The following ASCL5 variants were observed in gnomAD, a reference collection of about 807,000 sequenced individuals.
ASCL5 encodes the protein achaete-scute homolog 5.
For synonymous variants in ASCL5, 124 were observed against 131.5 expected (o/e 0.94, Z 0.39); for missense variants, 262 against 268.9 (o/e 0.97, Z 0.18).
At chr1:201,123,560 C>T (rs958729440) in intron 1 of ASCL5, among the ~76,000 whole-genome samples, 1 of 152,270 alleles carries the variant, frequency 6.6e-6, no homozygotes, top group East Asian at 1.9e-4. Flanking sequence ...AGCAAATTGC[C>T]GCAGGTCACA....
chr1:201,114,753 C>G lies in ASCL5; in HGVS notation c.620G>C (p.Ter207SerextTer36). The G allele has an allele frequency of 8.1e-7, 1 of 1,230,636 alleles. No individual in the cohort carries two copies. The highest frequency in any genetic ancestry group is 1.0e-6 in the Non-Finnish European group (1 of 987,248). 76.2% of individuals were successfully genotyped at this position (1,230,636 alleles called of 1,614,324 possible). A position where few individuals can be genotyped will look rare whatever the true frequency, so the allele number is the denominator to read the frequency against. Residue 207 changes from the stop codon to serine (S), a stop_lost, in exon 2 of 2, where the codon TGA (stop) becomes TCA (serine). Transcript: ENST00000449188. ...PFLESEESWH[*>S] ...AGCCGGGGGCGGCCACAGGCCCGATCAATGCCAGGATTCCTCCGACTCCAA... is the reference window on the plus strand; with the variant it reads ...AGCCGGGGGCGGCCACAGGCCCGATGAATGCCAGGATTCCTCCGACTCCAA...
At position 201,114,763 on chromosome 1, in the gene ASCL5, A is replaced by G; in HGVS notation, c.610T>C (p.Ser204Pro). Reference protein sequence around the residue: ...SPSPFLESEESWH With the variant: ...SPSPFLESEEPWH ...GGCCACAGGCCCGATCAATGCCAGG[A>G]TTCCTCCGACTCCAAGAAAGGCGAC... The change falls in exon 2 of 2, where the codon TCC becomes CCC. Residue 204 changes from serine to proline, a missense_variant. Ser to Pro is a moderately conservative substitution (Grantham distance 74, BLOSUM62 -1). Coordinates refer to ENST00000449188, the MANE Select transcript of ASCL5 (RefSeq NM_001270601.2). 8.1e-7 allele frequency: 1 copy of G among 1,228,708 alleles called. No individual in the cohort carries two copies. The highest frequency in any genetic ancestry group is 1.0e-6 in the Non-Finnish European group (1 of 985,888). 76.1% of individuals were successfully genotyped at this position (1,228,708 alleles called of 1,614,324 possible).
chr1:201,120,377 C>T (rs1379878683), intron 1 of ASCL5, among the ~76,000 whole-genome samples: 1 of 152,110 alleles, frequency 6.6e-6, no homozygotes. Flanking sequence ...TCATACTCAT[C>T]CCCTGCCCAT....
chr1:201,118,338 G>A (rs1663388112), intron 1 of ASCL5, among the ~76,000 whole-genome samples: 1 of 152,090 alleles, frequency 6.6e-6, no homozygotes. Flanking sequence ...AAAATTAGCA[G>A]GGTTTGGTGG....
At chr1:201,118,957 G>T (rs1313218300) in intron 1 of ASCL5, among the ~76,000 whole-genome samples, 1 of 152,166 alleles carries the variant, frequency 6.6e-6, no homozygotes, top group Non-Finnish European at 1.5e-5. Context: ...CACCACCTCA[G>T]TTTCCCACCT....
chr1:201,115,324 G>T lies in ASCL5; in HGVS notation c.49C>A (p.Pro17Thr). The change falls in exon 2 of 2, where the codon CCC (proline) becomes ACC (threonine). Residue 17 changes from proline to threonine, a missense_variant. Transcript: ENST00000449188. The stretch of plus-strand genomic sequence containing the variant: ...ACGCCCAGCTGCATGCAGCTGGGGG[G>T]CCCCAGAGGCCTCCGGTCCACCAGA... Reference protein sequence around the residue: ...RALVDRRPLGPPSCMQLGVMP... With the variant: ...RALVDRRPLGTPSCMQLGVMP... The T allele has an allele frequency of 8.1e-7, 1 of 1,231,196 alleles. No homozygotes were observed. Among genetic ancestry groups the T allele is most frequent in the Non-Finnish European group, 1.0e-6 (1 of 987,566 alleles). The allele number at this position is 1,231,196 out of a possible 1,614,324, so 76.3% of individuals were successfully genotyped here. A position where few individuals can be genotyped will look rare whatever the true frequency, so the allele number is the denominator to read the frequency against.
rs1415120368 is a variant in ASCL5 at position 201,114,588 on chromosome 1, A to C, written c.*164T>G. 3.6e-6 allele frequency: 2 copies of C among 561,788 alleles called. No individual in the cohort carries two copies. The highest frequency in any genetic ancestry group is 3.9e-5 in the African/African-American group (2 of 51,216). 34.8% of individuals were successfully genotyped at this position (561,788 alleles called of 1,614,324 possible). ...CCCGCTGCCCTGCACTTCCGCCCCA[A>C]GCTGGTGGAGGAGGGAGGGTGTCGC... is the stretch of plus-strand genomic sequence containing the variant. On this transcript the variant is annotated 3_prime_UTR_variant, in exon 2 of 2. Coordinates refer to ENST00000449188, the MANE Select transcript of ASCL5 (RefSeq NM_001270601.2).
intron 1 of ASCL5, among the ~76,000 whole-genome samples, chr1:201,125,607 A>C (rs1663565177): frequency 6.6e-6 from 1 of 151,992 alleles, no homozygotes; most frequent in South Asian, 2.1e-4. Flanking sequence ...GTCATAGTTC[A>C]TTGGCGTGCC....
At position 201,115,275 on chromosome 1, in the gene ASCL5, G is replaced by A. The variant is rs576282869; in HGVS notation, c.98C>T (p.Pro33Leu). 5 of 1,231,218 alleles carry A rather than the reference G, an allele frequency of 4.1e-6. No individual in the cohort carries two copies. In the East Asian group the frequency reaches 9.5e-5, roughly 23 times the overall value. 76.3% of individuals were successfully genotyped at this position (1,231,218 alleles called of 1,614,324 possible). A position where few individuals can be genotyped will look rare whatever the true frequency, so the allele number is the denominator to read the frequency against. The change falls in exon 2 of 2, where the codon CCC becomes CTC. Residue 33 changes from proline to leucine, a missense_variant. Physicochemically the swap from Pro to Leu is moderately conservative, Grantham distance 98. Transcript: ENST00000449188. The part of the protein sequence containing the change: ...LGVMPPPRQA[P>L]LPPAEPLGNV... Reference sequence around the variant, plus strand: ...GCCCAGGGGCTCGGCGGGGGGCAGGGGCGCCTGCCGGGGAGGGGGCATGAC... The same window carrying A: ...GCCCAGGGGCTCGGCGGGGGGCAGGAGCGCCTGCCGGGGAGGGGGCATGAC...
chr1:201,126,813 C>T lies in ASCL5; in HGVS notation c.-506+271G>A, dbSNP rs375637287. On this transcript the variant is annotated intron_variant, in intron 1 of 1. Coordinates refer to ENST00000449188, the MANE Select transcript of ASCL5 (RefSeq NM_001270601.2). ...CTCCTCCTGCCTAGACCCTTCACGACGAGCAAGTCCATGGGAAAATGCCCG... is the reference window on the plus strand; with the variant it reads ...CTCCTCCTGCCTAGACCCTTCACGATGAGCAAGTCCATGGGAAAATGCCCG... Among the ~76,000 whole-genome samples the T allele has an allele frequency of 2.2e-4, 34 of 152,340 alleles. No homozygotes were observed. In the South Asian group the frequency reaches 5.8e-3, roughly 26 times the overall value.
At position 201,115,037 on chromosome 1, in the gene ASCL5, G is replaced by C; in HGVS notation, c.336C>G (p.Gly112=). 1.5e-5 allele frequency: 19 copies of C among 1,232,066 alleles called. No homozygotes were observed. Among genetic ancestry groups the C allele is most frequent in the Non-Finnish European group, 1.8e-5 (18 of 988,272 alleles). The allele number at this position is 1,232,066 out of a possible 1,614,324, so 76.3% of individuals were successfully genotyped here. A position where few individuals can be genotyped will look rare whatever the true frequency, so the allele number is the denominator to read the frequency against. ...GYARLRGHLP[G]ALAEKRLSKV... ...TGCTGAGTCGCTTCTCAGCCAGGGC[G>C]CCGGGGAGGTGGCCGCGGAGGCGAG... The change falls in exon 2 of 2, where the codon GGC becomes GGG. Residue 112 remains glycine (G), a synonymous_variant. Coordinates refer to ENST00000449188, the MANE Select transcript of ASCL5 (RefSeq NM_001270601.2).
chr1:201,117,190 C>G (rs1663367053), intron 1 of ASCL5, among the ~76,000 whole-genome samples: 1 of 152,162 alleles, frequency 6.6e-6, no homozygotes, highest in Admixed American at 6.5e-5. Flanking sequence ...AGTCCCAGCA[C>G]TTTGGGAGGC....
intron 1 of ASCL5, among the ~76,000 whole-genome samples, chr1:201,125,521 G>A (rs1224773486): frequency 6.6e-6 from 1 of 152,016 alleles, no homozygotes; most frequent in Non-Finnish European, 1.5e-5. Context: ...TGTCCACAGA[G>A]CTTTACTACC....
Position 201,115,064 on chromosome 1 carries a change from G to A in ASCL5, c.309C>T (p.Tyr103=), listed in dbSNP as rs1293753094. 4 of 1,231,962 alleles carry A rather than the reference G, an allele frequency of 3.2e-6. No homozygotes were observed. The African/African-American group carries it at 6.2e-5, about 19-fold the overall frequency. The allele number at this position is 1,231,962 out of a possible 1,614,324, so 76.3% of individuals were successfully genotyped here. A position where few individuals can be genotyped will look rare whatever the true frequency, so the allele number is the denominator to read the frequency against. The change falls in exon 2 of 2, where the codon TAC becomes TAT. Residue 103 remains tyrosine, a synonymous_variant. Transcript: ENST00000449188. ...CGGGGAGGTGGCCGCGGAGGCGAGC[G>A]TAGCCCTCGTTGACGCACTTGACTC... ...RQRVKCVNEG[Y]ARLRGHLPGA... is the part of the protein sequence containing the mutation.
At chr1:201,120,002 C>T (rs951104896) in intron 1 of ASCL5, among the ~76,000 whole-genome samples, 37 of 152,178 alleles carry the variant, frequency 2.4e-4, no homozygotes, top group Admixed American at 5.9e-4. Context: ...AGCAGCCGAG[C>T]AGATGTGCTT....
chr1:201,123,190 G>A (rs566346559), intron 1 of ASCL5, among the ~76,000 whole-genome samples: 6 of 152,214 alleles, frequency 3.9e-5, no homozygotes, highest in East Asian at 3.9e-4. Context: ...TTAAATGTCC[G>A]ATTTTTCCCC....
chr1:201,123,874 GA>G (rs1663529880), intron 1 of ASCL5, among the ~76,000 whole-genome samples: 1 of 152,202 alleles, frequency 6.6e-6, no homozygotes, highest in Non-Finnish European at 1.5e-5. Flanking sequence ...TCGGGGAGTA[GA>G]AATACCTTCT....
In ASCL5 at chr1:201,114,480, G is replaced by T. The variant is rs1472531991; in HGVS notation, c.*272C>A. On this transcript the variant is annotated 3_prime_UTR_variant, in exon 2 of 2. Coordinates refer to ENST00000449188, the MANE Select transcript of ASCL5 (RefSeq NM_001270601.2). ...GGGGAGCCCCTCTGCACCCCGGAGG[G>T]GACGCAGGACGCCCGGAGCAGTCCC... 2 of 306,116 alleles carry T rather than the reference G, an allele frequency of 6.5e-6. No individual in the cohort carries two copies. Among genetic ancestry groups the T allele is most frequent in the African/African-American group, 4.3e-5 (2 of 46,050 alleles). 19.0% of individuals were successfully genotyped at this position (306,116 alleles called of 1,614,324 possible).
At position 201,115,327 on chromosome 1, in the gene ASCL5, C is replaced by A; in HGVS notation, c.46G>T (p.Gly16Trp). The change falls in exon 2 of 2, where the codon GGG (glycine) becomes TGG (tryptophan). Residue 16 changes from glycine to tryptophan, a missense_variant. Physicochemically the swap from Gly to Trp is radical, Grantham distance 184 (BLOSUM62 -2). Transcript: ENST00000449188. ...CCCAGCTGCATGCAGCTGGGGGGCC[C>A]CAGAGGCCTCCGGTCCACCAGAGCC... is the stretch of plus-strand genomic sequence containing the variant. ...CRALVDRRPL[G>W]PPSCMQLGVM... The A allele has an allele frequency of 8.1e-7, 1 of 1,231,344 alleles. No homozygotes were observed. The highest frequency in any genetic ancestry group is 1.0e-6 in the Non-Finnish European group (1 of 987,716). The allele number at this position is 1,231,344 out of a possible 1,614,324, so 76.3% of individuals were successfully genotyped here. A position where few individuals can be genotyped will look rare whatever the true frequency, so the allele number is the denominator to read the frequency against.
Sources: gnomAD v4.1 joint callset for allele counts (sites outside exome capture counted in the v4.1 genomes callset) on GRCh38, gnomAD v4.1.1 for gene constraint, MANE v1.5 for transcripts, NCBI Gene and HGNC (gene_info 2026-07-23, HGNC 2026-07-21) for gene names.